MIB2: variants seen among roughly 807,000 people sequenced by gnomAD.
MIB2 encodes E3 ubiquitin-protein ligase MIB2.
MIB2 carries 78 observed loss-of-function variants against 96.6 expected under a neutral mutation model. The observed-to-expected ratio is 0.81, with a 90% CI of 0.67 to 0.97. The LOEUF (loss-of-function observed/expected upper bound fraction) is 0.97, where lower values mean the gene tolerates loss of function less well. Among genes scored for constraint, MIB2 ranks in the 50% least tolerant of loss-of-function variants. The pLI is 0.00. For synonymous variants in MIB2, 820 were observed against 629.5 expected, an observed-to-expected ratio of 1.30 and a Z score of -4.53; for missense variants, 1,543 against 1,424.0, an observed-to-expected ratio of 1.08 and a Z score of -1.35.
chr1:1,616,957 G>A, intron 2 of MIB2: 1 of 265,414 alleles, frequency 3.8e-6, no homozygotes, highest in Non-Finnish European at 7.3e-6. Flanking sequence ...CGCTCTCCTG[G>A]CCGAGGGCAG....
In MIB2 at chr1:1,626,507, G is replaced by A. The variant is rs1220438002; in HGVS notation, c.973-143G>A. 3 of 674,990 alleles carry A rather than the reference G, an allele frequency of 4.4e-6. No individual in the cohort carries two copies. The highest frequency in any genetic ancestry group is 1.8e-5 in the African/African-American group (1 of 55,062). 41.8% of individuals were successfully genotyped at this position (674,990 alleles called of 1,614,324 possible). On this transcript the variant is annotated intron_variant, in intron 8 of 19. Coordinates refer to ENST00000355826, the MANE Select transcript of MIB2 (RefSeq NM_001170687.4). This position sits in a 1 kb window ranked among gnomAD's most constrained non-coding sequence, Gnocchi z 5.3. ...GGGCTCTCGTCCAGCCAGAGCCTCT[G>A]GCAGTGCCTGGGGTCGGGGTCGGGG...
intron 2 of MIB2, among the ~76,000 whole-genome samples, chr1:1,619,818 TG>T (rs887839761): frequency 2.6e-4 from 39 of 152,268 alleles, no homozygotes; most frequent in African/African-American, 9.1e-4. Flanking sequence ...TCAGCCCAGT[TG>T]TGCCCCAACT....
chr1:1,628,586 A>G lies in MIB2; in HGVS notation c.2066A>G (p.Asp689Gly), dbSNP rs1424284664. The change falls in exon 16 of 20, where the codon GAC (aspartate) becomes GGC (glycine). Residue 689 changes from aspartate to glycine, a missense_variant. Transcript: ENST00000355826. ...AHVGLVPLLV[D>G]AGCSVNAEDE... ...GTGGGGCTGGTGCCGCTACTGGTGG[A>G]CGCTGGGTGCAGTGTCAACGCCGAG... The G allele has an allele frequency of 1.9e-6, 3 of 1,600,928 alleles. No individual in the cohort carries two copies. Among genetic ancestry groups the G allele is most frequent in the East Asian group, 2.2e-5 (1 of 44,658 alleles).
chr1:1,627,528 T>C, intron 12 of MIB2, 84 bp downstream of exon 12: 1 of 1,496,480 alleles, frequency 6.7e-7, no homozygotes, highest in South Asian at 1.3e-5. Context: ...CCGGCGGGGC[T>C]GAGCCTGTGC....
Position 1,628,608 on chromosome 1 carries a change from C to G in MIB2, c.2088C>G (p.Ala696=), listed in dbSNP as rs772121269. 6 of 1,598,892 alleles carry G rather than the reference C, an allele frequency of 3.8e-6. No individual in the cohort carries two copies. The highest frequency in any genetic ancestry group is 1.7e-5 in the Admixed American group (1 of 59,002). Residue 696 remains alanine, a synonymous_variant, in exon 16 of 20, where the codon GCC becomes GCG. Transcript: ENST00000355826. ...TGGACGCTGGGTGCAGTGTCAACGC[C>G]GAGGACGAGGAGGGGGACACAGCCC... ...LLVDAGCSVN[A]EDEEGDTALH... is the part of the protein sequence containing the mutation.
Position 1,626,676 on chromosome 1 carries a change from G to C in MIB2, c.999G>C (p.Val333=), listed in dbSNP as rs373031043. 2.0e-5 allele frequency: 31 copies of C among 1,577,492 alleles called. No homozygotes were observed. The highest frequency in any genetic ancestry group is 2.7e-5 in the Non-Finnish European group (31 of 1,159,144). Residue 333 remains valine (V), a synonymous_variant, in exon 9 of 20, where the codon GTG becomes GTC. Transcript: ENST00000355826. This position sits in a 1 kb window ranked among gnomAD's most constrained non-coding sequence, Gnocchi z 5.3. ...ACCACTCCTTCTGGGTGGGCGACGT[G>C]GTCCGGGTCATCGGCGACCTTGACA... is the stretch of plus-strand genomic sequence containing the variant. ...TKHHSFWVGD[V]VRVIGDLDTV... is the part of the protein sequence containing the mutation.
At chr1:1,616,771 A>G (rs1643754251) in intron 2 of MIB2, 157 bp downstream of exon 2, 1 of 602,338 alleles carries the variant, frequency 1.7e-6, no homozygotes. Context: ...CTGAGTTCGG[A>G]ACCCATGGAG....
chr1:1,628,071 C>T lies in MIB2; in HGVS notation c.1733C>T (p.Ala578Val). The T allele has an allele frequency of 6.2e-7, 1 of 1,613,188 alleles. No individual in the cohort carries two copies. Among genetic ancestry groups the T allele is most frequent in the Non-Finnish European group, 8.5e-7 (1 of 1,180,000 alleles). Residue 578 changes from alanine to valine, a missense_variant, in exon 14 of 20, where the codon GCC (alanine) becomes GTC (valine). Transcript: ENST00000355826. ...TCCGCCATCTCGGCGGGCACTGGAGCCAGCGGCATTGTCGAGGTCCTCACG... is the reference window on the plus strand; with the variant it reads ...TCCGCCATCTCGGCGGGCACTGGAGTCAGCGGCATTGTCGAGGTCCTCACG... The part of the protein sequence containing the change: ...LHSAISAGTG[A>V]SGIVEVLTEV...
Position 1,628,697 on chromosome 1 carries a change from C to G in MIB2, c.2177C>G (p.Pro726Arg), listed in dbSNP as rs753978633. 5 of 1,560,096 alleles carry G rather than the reference C, an allele frequency of 3.2e-6. No homozygotes were observed. The highest frequency in any genetic ancestry group is 2.6e-6 in the Non-Finnish European group (3 of 1,153,592). Residue 726 changes from proline to arginine, a missense_variant, in exon 16 of 20, where the codon CCA (proline) becomes CGA (arginine). By Grantham distance (103) the Pro-to-Arg change is moderately radical (BLOSUM62 -2). Transcript: ENST00000355826. ...GTGGCTGATGGGGCCGGGGGGGACCCAGGGCCCTTGCAGCTGCTGTCCAGG... is the reference window on the plus strand; with the variant it reads ...GTGGCTGATGGGGCCGGGGGGGACCGAGGGCCCTTGCAGCTGCTGTCCAGG... ...PLVADGAGGDPGPLQLLSRLQ... is the reference protein window; with the variant it reads ...PLVADGAGGDRGPLQLLSRLQ...
At position 1,625,559 on chromosome 1, in the gene MIB2, C is replaced by A; in HGVS notation, c.878C>A (p.Thr293Lys). 1 of 1,581,790 alleles carries A rather than the reference C, an allele frequency of 6.3e-7. No individual in the cohort carries two copies. Among genetic ancestry groups the A allele is most frequent in the Non-Finnish European group, 8.6e-7 (1 of 1,164,418 alleles). The change falls in exon 8 of 20, where the codon ACG becomes AAG. Residue 293 changes from threonine to lysine, a missense_variant. Coordinates refer to ENST00000355826, the MANE Select transcript of MIB2 (RefSeq NM_001170687.4). The surrounding 1 kb of genome is among the most constrained non-coding windows in gnomAD (Gnocchi z 5.0). Reference protein sequence around the residue: ...NPRMAEFIGQTGTVHRITDRG... With the variant: ...NPRMAEFIGQKGTVHRITDRG... ...GACCCGCCACAGTTTATCGGACAGA[C>A]GGGCACCGTGCATCGTATCACGGAC... is the stretch of plus-strand genomic sequence containing the variant.
chr1:1,627,388 G>T lies in MIB2; in HGVS notation c.1467G>T (p.Ala489=). The change falls in exon 12 of 20, where the codon GCG becomes GCT. Residue 489 remains alanine (A), a synonymous_variant. Coordinates refer to ENST00000355826, the MANE Select transcript of MIB2 (RefSeq NM_001170687.4). ...TACGGCTGCTGCTACAAGCCAGGGC[G>T]GGCGTGGACCTGCCGGACGACGAGG... The part of the protein sequence containing the change: ...ELIRLLLQAR[A]GVDLPDDEGN... The T allele has an allele frequency of 6.2e-7, 1 of 1,613,032 alleles. No individual in the cohort carries two copies. The highest frequency in any genetic ancestry group is 8.5e-7 in the Non-Finnish European group (1 of 1,179,952).
At chr1:1,628,947 T>A in intron 16 of MIB2, 186 bp from the exon 17 acceptor site, 1 of 728,710 alleles carries the variant, frequency 1.4e-6, no homozygotes, top group Non-Finnish European at 2.1e-6. Context: ...GAGGTGGAGC[T>A]TAGGGTCTCA....
intron 16 of MIB2, 113 bp downstream of exon 16, chr1:1,628,835 A>C: frequency 3.0e-6 from 3 of 1,009,864 alleles, no homozygotes; most frequent in Non-Finnish European, 4.2e-6. Context: ...CCAGGGAGCC[A>C]GGCGTTCTGG....
In MIB2 at chr1:1,623,690, G is replaced by T. The variant is rs781557167; in HGVS notation, c.238G>T (p.Ala80Ser). The change falls in exon 3 of 20, where the codon GCC becomes TCC. Residue 80 changes from alanine (A) to serine (S), a missense_variant. Physicochemically the swap from Ala to Ser is moderately conservative, Grantham distance 99. Transcript: ENST00000355826. Reference sequence around the variant, plus strand: ...GCACGACCTGCTGCTGTACGACAACGCCCAGATCGGTGCGCGCCAAGGGCA... The same window carrying T: ...GCACGACCTGCTGCTGTACGACAACTCCCAGATCGGTGCGCGCCAAGGGCA... ...GAHDLLLYDN[A>S]QIGVRHPNII... 1 of 1,509,088 alleles carries T rather than the reference G, an allele frequency of 6.6e-7. No individual in the cohort carries two copies. The highest frequency in any genetic ancestry group is 1.3e-5 in the South Asian group (1 of 77,278). The allele number at this position is 1,509,088 out of a possible 1,614,324, so 93.5% of individuals were successfully genotyped here. A position where few individuals can be genotyped will look rare whatever the true frequency, so the allele number is the denominator to read the frequency against.
intron 2 of MIB2, among the ~76,000 whole-genome samples, chr1:1,622,780 C>T (rs1291621113): frequency 3.9e-5 from 6 of 152,352 alleles, no homozygotes; most frequent in South Asian, 4.1e-4. Flanking sequence ...TGTGTGGCCT[C>T]GCTGCACTGT....
In MIB2 at chr1:1,629,419, C is replaced by T; in HGVS notation, c.2416C>T (p.Pro806Ser). 1.3e-6 allele frequency: 2 copies of T among 1,487,472 alleles called. No individual in the cohort carries two copies. The highest frequency in any genetic ancestry group is 1.8e-6 in the Non-Finnish European group (2 of 1,128,618). The allele number at this position is 1,487,472 out of a possible 1,614,324, so 92.1% of individuals were successfully genotyped here. The change falls in exon 18 of 20, where the codon CCC (proline) becomes TCC (serine). Residue 806 changes from proline (P) to serine (S), a missense_variant. Physicochemically the swap from Pro to Ser is moderately conservative, Grantham distance 74. Transcript: ENST00000355826. The part of the protein sequence containing the change: ...RQAGGGAAPG[P>S]RQTLGTPNTV... Reference sequence around the variant, plus strand: ...GGCGGGCGGGGGCGCGGCCCCGGGCCCCAGGCAAACGCTCGGGACCCCCAA... The same window carrying T: ...GGCGGGCGGGGGCGCGGCCCCGGGCTCCAGGCAAACGCTCGGGACCCCCAA...
chr1:1,626,889 G>A lies in MIB2; in HGVS notation c.1130G>A (p.Arg377His), dbSNP rs578020266. 1.2e-4 allele frequency: 189 copies of A among 1,606,862 alleles called. No homozygotes were observed. The South Asian group carries it at 1.7e-3, about 14-fold the overall frequency. The change falls in exon 10 of 20, where the codon CGT becomes CAT. Residue 377 changes from arginine (R) to histidine (H), a missense_variant. Coordinates refer to ENST00000355826, the MANE Select transcript of MIB2 (RefSeq NM_001170687.4). This position sits in a 1 kb window ranked among gnomAD's most constrained non-coding sequence, Gnocchi z 5.3. Reference sequence around the variant, plus strand: ...AAAGTGTTTGGAGACGGGAACCTGCGTGTAGCAGTCGCTGGTCAGCGGTGG... The same window carrying A: ...AAAGTGTTTGGAGACGGGAACCTGCATGTAGCAGTCGCTGGTCAGCGGTGG... ...VVKVFGDGNL[R>H]VAVAGQRWTF...
At chr1:1,615,654 C>G in intron 1 of MIB2, 21 bp downstream of exon 1, 1 of 1,569,610 alleles carries the variant, frequency 6.4e-7, no homozygotes, top group Non-Finnish European at 8.6e-7. Context: ...GCGCGGATCT[C>G]CTCCCCTGGT....
At chr1:1,628,468 C>A in intron 15 of MIB2, 21 bp from the exon 16 acceptor site, 1 of 1,594,764 alleles carries the variant, frequency 6.3e-7, no homozygotes, top group South Asian at 1.1e-5. Context: ...CTGGGCTGAG[C>A]CCGTCCCCAC....
Sources: allele counts gnomAD v4.1 joint callset (sites outside exome capture counted in the v4.1 genomes callset), GRCh38; gene constraint gnomAD v4.1.1; non-coding constraint Gnocchi (gnomAD v3.1); transcripts MANE v1.5; gene names NCBI Gene and HGNC (gene_info 2026-07-23, HGNC 2026-07-21).